The following ZNF799 variants were observed in gnomAD, a reference collection of about 807,000 sequenced individuals.
ZNF799 encodes zinc finger protein 14.
In ZNF799, 28 loss-of-function variants were observed where a neutral mutation model predicts 41.0. The observed-to-expected ratio is 0.68, with a 90% CI of 0.51 to 0.94. The LOEUF (loss-of-function observed/expected upper bound fraction) is 0.94, where lower values mean the gene tolerates loss of function less well. ZNF799 is among the 40% of genes least tolerant of loss of function. The pLI is 0.00. For missense variants in ZNF799, 716 were observed against 764.3 expected (o/e 0.94, Z 0.74); for synonymous variants, 213 against 252.9 (o/e 0.84, Z 1.50).
chr19:12,406,574 CAG>C, the ZNF799 span, among the ~76,000 whole-genome samples: 2 of 151,184 alleles, frequency 1.3e-5, no homozygotes, highest in African/African-American at 4.9e-5. Context: ...AAAAGAAAAC[CAG>C]AAAACAGATG....
In ZNF799 at chr19:12,401,225, C is replaced by G; in HGVS notation, c.-155G>C. The G allele has an allele frequency of 2.7e-6, 4 of 1,483,444 alleles. No individual in the cohort carries two copies. The highest frequency in any genetic ancestry group is 3.6e-6 in the Non-Finnish European group (4 of 1,112,868). The allele number at this position is 1,483,444 out of a possible 1,614,324, so 91.9% of individuals were successfully genotyped here. A position where few individuals can be genotyped will look rare whatever the true frequency, so the allele number is the denominator to read the frequency against. On this transcript the variant is annotated 5_prime_UTR_variant, in exon 1 of 4. Coordinates refer to ENST00000430385, the MANE Select transcript of ZNF799 (RefSeq NM_001080821.3). Reference sequence around the variant, plus strand: ...GCGCAGGTGGGTGGAGAAGACGCCGCGGGCTTTTTCAACCACACACTCCTC... The same window carrying G: ...GCGCAGGTGGGTGGAGAAGACGCCGGGGGCTTTTTCAACCACACACTCCTC...
upstream of ZNF799, among the ~76,000 whole-genome samples, chr19:12,405,710 A>G (rs1468632462): frequency 1.3e-5 from 2 of 152,242 alleles, no homozygotes. Context: ...AAATGTTACT[A>G]AACAAATTAC....
chr19:12,401,226 G>T lies in ZNF799; in HGVS notation c.-156C>A. ...CGCAGGTGGGTGGAGAAGACGCCGC[G>T]GGCTTTTTCAACCACACACTCCTCT... On this transcript the variant is annotated 5_prime_UTR_variant, in exon 1 of 4. Coordinates refer to ENST00000430385, the MANE Select transcript of ZNF799 (RefSeq NM_001080821.3). 1 of 1,483,118 alleles carries T rather than the reference G, an allele frequency of 6.7e-7. No homozygotes were observed. The highest frequency in any genetic ancestry group is 9.0e-7 in the Non-Finnish European group (1 of 1,112,554). 91.9% of individuals were successfully genotyped at this position (1,483,118 alleles called of 1,614,324 possible).
At chr19:12,400,283 A>T (rs1969956282) in intron 1 of ZNF799, 1 of 152,220 alleles carries the variant, frequency 6.6e-6, no homozygotes, top group Non-Finnish European at 1.5e-5. Context: ...ACGAGTCTGG[A>T]TTCCACCTGG....
intron 1 of ZNF799, chr19:12,400,747 A>G (rs575331414): frequency 2.4e-5 from 13 of 546,352 alleles, no homozygotes; most frequent in Middle Eastern, 9.8e-4. Flanking sequence ...TGCAGCCCTC[A>G]GCGTCTCGGT....
At chr19:12,403,515 G>A (rs1324979123), upstream of ZNF799, among the ~76,000 whole-genome samples, 1 of 149,532 alleles carries the variant, frequency 6.7e-6, no homozygotes. Context: ...TGCATTCTTA[G>A]GTTGTTTATT....
Position 12,391,335 on chromosome 19 carries a change from G to T in ZNF799, c.1063C>A (p.His355Asn). 1.9e-6 allele frequency: 3 copies of T among 1,614,160 alleles called. No individual in the cohort carries two copies. Among genetic ancestry groups the T allele is most frequent in the Non-Finnish European group, 2.5e-6 (3 of 1,180,024 alleles). The stretch of plus-strand genomic sequence containing the variant: ...TTCTCTCCAGTGTGAGTTCTTTCAT[G>T]ACTTTTCAGTGAACTAGGACAATCA... ...GFDCPSSLKSHERTHTGEKLY... is the reference protein window; with the variant it reads ...GFDCPSSLKSNERTHTGEKLY... Residue 355 changes from histidine (H) to asparagine (N), a missense_variant, in exon 4 of 4, where the codon CAT becomes AAT. Transcript: ENST00000430385.
chr19:12,407,318 C>T, the ZNF799 span, among the ~76,000 whole-genome samples: 1 of 152,054 alleles, frequency 6.6e-6, no homozygotes, highest in East Asian at 1.9e-4. Flanking sequence ...AAAAAATTAG[C>T]CAGGCATGGT....
chr19:12,401,995 T>A (rs978475521), upstream of ZNF799, among the ~76,000 whole-genome samples: 1 of 152,268 alleles, frequency 6.6e-6, no homozygotes, highest in African/African-American at 2.4e-5. Context: ...TTTGTAACTA[T>A]TTTTTATACC....
chr19:12,401,148 C>A lies in ZNF799; in HGVS notation c.-78G>T. On this transcript the variant is annotated 5_prime_UTR_variant, in exon 1 of 4. Coordinates refer to ENST00000430385, the MANE Select transcript of ZNF799 (RefSeq NM_001080821.3). Reference sequence around the variant, plus strand: ...CGGGTTCCCGCGGGACACAGGCTGCCACGGAACTTCCAGGTCGTCTCTTAG... The same window carrying A: ...CGGGTTCCCGCGGGACACAGGCTGCAACGGAACTTCCAGGTCGTCTCTTAG... The A allele has an allele frequency of 6.2e-7, 1 of 1,610,804 alleles. No homozygotes were observed. The highest frequency in any genetic ancestry group is 1.1e-5 in the South Asian group (1 of 90,854).
chr19:12,412,856 A>G, the ZNF799 span, among the ~76,000 whole-genome samples: 50,338 of 151,360 alleles, frequency 0.33, 8,935 homozygotes, highest in South Asian at 0.51. Context: ...CCTGACCAAC[A>G]TGGAGAAACC....
chr19:12,401,569 CGAGAGAGA>C (rs142456121), upstream of ZNF799, among the ~76,000 whole-genome samples: 78 of 78,452 alleles, frequency 9.9e-4, 1 homozygote, highest in African/African-American at 2.3e-3. Context: ...TTTTTTTTTC[CGAGAGAGA>C]GAGAGAGAGA....
At chr19:12,398,991 A>T (rs1969940378) in intron 1 of ZNF799, among the ~76,000 whole-genome samples, 1 of 152,214 alleles carries the variant, frequency 6.6e-6, no homozygotes, top group African/African-American at 2.4e-5. Flanking sequence ...TTACTTATAC[A>T]ATTTATTTTC....
At chr19:12,407,880 G>A in the ZNF799 span, among the ~76,000 whole-genome samples, 1 of 152,166 alleles carries the variant, frequency 6.6e-6, no homozygotes. Context: ...ACAATAGCTA[G>A]TTGGGTAGCT....
Position 12,401,237 on chromosome 19 carries a change from A to G in ZNF799, c.-167T>C, listed in dbSNP as rs575720692. The G allele has an allele frequency of 2.1e-5, 31 of 1,453,936 alleles. No individual in the cohort carries two copies. Among genetic ancestry groups the G allele is most frequent in the African/African-American group, 4.2e-5 (3 of 71,298 alleles). The allele number at this position is 1,453,936 out of a possible 1,614,324, so 90.1% of individuals were successfully genotyped here. A position where few individuals can be genotyped will look rare whatever the true frequency, so the allele number is the denominator to read the frequency against. Reference sequence around the variant, plus strand: ...GGAGAAGACGCCGCGGGCTTTTTCAACCACACACTCCTCTGGGAAGCGCGC... The same window carrying G: ...GGAGAAGACGCCGCGGGCTTTTTCAGCCACACACTCCTCTGGGAAGCGCGC... On this transcript the variant is annotated 5_prime_UTR_variant, in exon 1 of 4. Transcript: ENST00000430385.
At chr19:12,410,430 A>G in the ZNF799 span, among the ~76,000 whole-genome samples, 1 of 151,962 alleles carries the variant, frequency 6.6e-6, no homozygotes, top group African/African-American at 2.4e-5. Context: ...CATAATGCCC[A>G]GCCTTAGCGA....
the ZNF799 span, among the ~76,000 whole-genome samples, chr19:12,413,069 G>C: frequency 1.1e-5 from 1 of 90,850 alleles, no homozygotes; most frequent in Admixed American, 1.1e-4. Flanking sequence ...AAAAAAAAAA[G>C]AATCTTATCC....
intron 1 of ZNF799, among the ~76,000 whole-genome samples, chr19:12,399,197 G>GCA (rs1323823542): frequency 3.8e-4 from 58 of 152,278 alleles, no homozygotes; most frequent in Middle Eastern, 3.4e-3. Flanking sequence ...CAATCAGGGT[G>GCA]GGTCATCCTA....
chr19:12,413,392 G>A, the ZNF799 span, among the ~76,000 whole-genome samples: 1 of 152,012 alleles, frequency 6.6e-6, no homozygotes, highest in African/African-American at 2.4e-5. Flanking sequence ...TGTCTTCCTG[G>A]GTCAATCCTC....
Sources: gnomAD v4.1 joint callset for allele counts (sites outside exome capture counted in the v4.1 genomes callset) on GRCh38, gnomAD v4.1.1 for gene constraint, MANE v1.5 for transcripts, NCBI Gene and HGNC (gene_info 2026-07-23, HGNC 2026-07-21) for gene names.